The following DENND2D variants were observed in gnomAD, a reference collection of about 807,000 sequenced individuals.
The protein encoded by DENND2D is DENN domain containing 2D.
A neutral mutation model predicts 59.8 loss-of-function variants in DENND2D; 37 were observed. That is an observed-to-expected ratio of 0.62 (90% CI 0.48 to 0.81). DENND2D has a LOEUF of 0.81. Among genes scored for constraint, DENND2D ranks in the 40% least tolerant of loss-of-function variants. The probability of loss-of-function intolerance (pLI) is 0.00; values close to 1 mark genes in which losing one functional copy is unlikely to be tolerated. For synonymous variants in DENND2D, 219 were observed against 211.3 expected, an observed-to-expected ratio of 1.04 and a Z score of -0.31; for missense variants, 525 against 579.7, an observed-to-expected ratio of 0.91 and a Z score of 0.97.
intron 8 of DENND2D, among the ~76,000 whole-genome samples, chr1:111,191,685 CAT>C (rs1202401802): frequency 7.9e-5 from 12 of 152,186 alleles, no homozygotes; most frequent in African/African-American, 4.8e-5. Context: ...TTTTAAGACT[CAT>C]AGTTTGCCAG....
intron 11 of DENND2D, 94 bp from the exon 12 acceptor site, chr1:111,187,775 C>G (rs557414824): frequency 1.0e-6 from 1 of 985,452 alleles, no homozygotes; most frequent in African/African-American, 1.6e-5. Flanking sequence ...CCTGTCTGCT[C>G]CCCATACTGC....
At position 111,197,260 on chromosome 1, in the gene DENND2D, A is replaced by G. The variant is rs1571193412; in HGVS notation, c.427-7T>C. On this transcript the variant is annotated splice_polypyrimidine_tract_variant and splice_region_variant and intron_variant, in intron 4 of 11. Coordinates refer to ENST00000357640, the MANE Select transcript of DENND2D (RefSeq NM_024901.5). ...GAGGGCCAGGGCCGGCAGGCTGGGG[A>G]GGGACAGAGAGGCTCCTTCAGTGCT... 3.7e-6 allele frequency: 6 copies of G among 1,609,326 alleles called. No homozygotes were observed. The highest frequency in any genetic ancestry group is 5.1e-6 in the Non-Finnish European group (6 of 1,178,342).
chr1:111,197,028 G>T, intron 5 of DENND2D, 148 bp downstream of exon 5: 1 of 859,042 alleles, frequency 1.2e-6, no homozygotes, highest in South Asian at 1.6e-5. Context: ...TCAAGTGCAT[G>T]CCCCTTTGCC....
chr1:111,188,018 T>A, intron 11 of DENND2D, 113 bp downstream of exon 11: 1 of 1,420,824 alleles, frequency 7.0e-7, no homozygotes, highest in South Asian at 1.4e-5. Context: ...CTAATAAAAG[T>A]CTACCTACAG....
chr1:111,198,995 A>G (rs760027570), intron 2 of DENND2D, among the ~76,000 whole-genome samples: 1 of 151,188 alleles, frequency 6.6e-6, no homozygotes, highest in Non-Finnish European at 1.5e-5. Flanking sequence ...CGACCTCAGT[A>G]TCGAGATCTA....
At chr1:111,188,096 C>T in intron 11 of DENND2D, 35 bp downstream of exon 11, 2 of 1,612,168 alleles carry the variant, frequency 1.2e-6, no homozygotes, top group Admixed American at 1.7e-5. Flanking sequence ...AGGTAACCCT[C>T]TATGGGCTTA....
At chr1:111,189,301 C>G (rs916367200) in intron 8 of DENND2D, 48 bp from the exon 9 acceptor site, 1 of 1,603,648 alleles carries the variant, frequency 6.2e-7, no homozygotes, top group Non-Finnish European at 8.5e-7. Flanking sequence ...TCTTCATAGA[C>G]CCCCAGAGGA....
chr1:111,186,747 G>A lies in DENND2D; in HGVS notation c.*858C>T, dbSNP rs968461090. On this transcript the variant is annotated 3_prime_UTR_variant, in exon 12 of 12. Coordinates refer to ENST00000357640, the MANE Select transcript of DENND2D (RefSeq NM_024901.5). ...TGCTCAAAATAAAGATCAGTTGGAG[G>A]TAGGATGTCCAAGACTGAAGGTAAA... 3.3e-5 allele frequency among the ~76,000 whole-genome samples: 5 copies of A among 152,180 alleles called. No homozygotes were observed. The highest frequency in any genetic ancestry group is 1.2e-4 in the African/African-American group (5 of 41,440).
chr1:111,188,115 G>T lies in DENND2D; in HGVS notation c.1339+16C>A. On this transcript the variant is annotated intron_variant, in intron 11 of 11. Transcript: ENST00000357640. ...AACCCTCTATGGGCTTAGACTGATG[G>T]GGACTGTTACTGTACCTGCAGGAGG... 1 of 1,613,978 alleles carries T rather than the reference G, an allele frequency of 6.2e-7. No individual in the cohort carries two copies. The highest frequency in any genetic ancestry group is 8.5e-7 in the Non-Finnish European group (1 of 1,179,950).
At chr1:111,195,732 CAA>C (rs1658166586) in intron 6 of DENND2D, 182 bp downstream of exon 6, 1 of 754,104 alleles carries the variant, frequency 1.3e-6, no homozygotes, top group African/African-American at 1.8e-5. Flanking sequence ...TTGTGGGTAT[CAA>C]GTTAGAAGGA....
At chr1:111,197,348 G>A in intron 4 of DENND2D, 95 bp from the exon 5 acceptor site, 1 of 1,531,120 alleles carries the variant, frequency 6.5e-7, no homozygotes. Flanking sequence ...GGGCTGGGGA[G>A]GGGGATTTAT....
chr1:111,189,135 A>T, intron 9 of DENND2D, 77 bp downstream of exon 9: 1 of 1,518,226 alleles, frequency 6.6e-7, no homozygotes, highest in Non-Finnish European at 9.1e-7. Flanking sequence ...TGTTTGTTTA[A>T]ATAAGTGGAA....
chr1:111,198,849 G>A, intron 2 of DENND2D, 107 bp from the exon 3 acceptor site: 1 of 1,119,224 alleles, frequency 8.9e-7, no homozygotes, highest in Admixed American at 2.0e-5. Context: ...GCAGTCTAGG[G>A]TTAAGCTTCT....
At chr1:111,192,054 AATCACAC>A in intron 8 of DENND2D, 79 bp downstream of exon 8, 1 of 1,283,140 alleles carries the variant, frequency 7.8e-7, no homozygotes, top group Non-Finnish European at 1.0e-6. Context: ...ACTTGCCCCT[AATCACAC>A]AGCTGTAAGC....
chr1:111,188,996 T>G (rs1296207088), intron 9 of DENND2D, among the ~76,000 whole-genome samples: 2 of 152,144 alleles, frequency 1.3e-5, no homozygotes, highest in African/African-American at 4.8e-5. Context: ...GTACTTGATT[T>G]ATATCCCTTG....
chr1:111,198,513 C>T lies in DENND2D; in HGVS notation c.356+117G>A, dbSNP rs77930554. The stretch of plus-strand genomic sequence containing the variant: ...CAGATGTTTTCAAACAAATCAATTA[C>T]ACTCCCAGGCCGAAAATCAACAAAT... On this transcript the variant is annotated intron_variant, in intron 3 of 11. Coordinates refer to ENST00000357640, the MANE Select transcript of DENND2D (RefSeq NM_024901.5). 5.7e-3 allele frequency: 5,631 copies of T among 988,264 alleles called. 25 individuals are homozygous for T. The highest frequency in any genetic ancestry group is 7.7e-3 in the Non-Finnish European group (4,999 of 652,842). 61.2% of individuals were successfully genotyped at this position (988,264 alleles called of 1,614,324 possible).
At chr1:111,198,071 A>G (rs947500387) in intron 3 of DENND2D, 82 bp from the exon 4 acceptor site, 9 of 1,358,320 alleles carry the variant, frequency 6.6e-6, no homozygotes, top group Non-Finnish European at 9.3e-6. Context: ...GAGGGTGGAG[A>G]GGAGGGCAAA....
At chr1:111,195,762 G>A in intron 6 of DENND2D, 154 bp downstream of exon 6, 1 of 1,094,984 alleles carries the variant, frequency 9.1e-7, no homozygotes, top group Non-Finnish European at 1.3e-6. Flanking sequence ...ATCTGGGTTT[G>A]ATTTCAGCTT....
chr1:111,199,109 G>A lies in DENND2D; in HGVS notation c.244-367C>T, dbSNP rs966514763. On this transcript the variant is annotated intron_variant, in intron 2 of 11. Transcript: ENST00000357640. ...AGGTACCACATCAGAGAAGAGAAGC[G>A]GCCAGCTCAGTTGGCACACCTGCTA... 4.6e-5 allele frequency among the ~76,000 whole-genome samples: 7 copies of A among 152,314 alleles called. No homozygotes were observed. In the South Asian group the frequency reaches 8.3e-4, roughly 18 times the overall value.
Sources: gnomAD v4.1 joint callset for allele counts (sites outside exome capture counted in the v4.1 genomes callset) on GRCh38, gnomAD v4.1.1 for gene constraint, MANE v1.5 for transcripts, NCBI Gene and HGNC (gene_info 2026-07-23, HGNC 2026-07-21) for gene names.